The following ARL15 variants were observed in gnomAD, a reference collection of about 807,000 sequenced individuals.
ARL15 encodes ADP-ribosylation factor-like protein 15.
In ARL15, 19 loss-of-function variants were observed where a neutral mutation model predicts 25.2. The ratio of observed to expected loss-of-function variants is 0.75; its 90% CI spans 0.53 to 1.10. ARL15 has a LOEUF of 1.10. ARL15 is among the 50% of genes least tolerant of loss of function. The pLI, the probability that ARL15 is intolerant of heterozygous loss-of-function variation, is 0.00. For synonymous variants in ARL15, 94 were observed against 86.8 expected (o/e 1.08, Z -0.46); for missense variants, 220 against 246.0 (o/e 0.89, Z 0.71).
intron 3 of ARL15, among the ~76,000 whole-genome samples, chr5:54,138,994 TA>T (rs1217738663): frequency 6.6e-6 from 1 of 152,120 alleles, no homozygotes; most frequent in Non-Finnish European, 1.5e-5. Flanking sequence ...GAATGGCCAT[TA>T]TTAAAAAGTC....
At chr5:54,031,309 T>C (rs1445324298) in intron 4 of ARL15, among the ~76,000 whole-genome samples, 1 of 152,224 alleles carries the variant, frequency 6.6e-6, no homozygotes, top group Admixed American at 6.5e-5. Flanking sequence ...TAATGCCATC[T>C]AGTTCCTGGA....
chr5:53,916,557 GTAT>G (rs889642548), intron 4 of ARL15, among the ~76,000 whole-genome samples: 1 of 152,074 alleles, frequency 6.6e-6, no homozygotes, highest in Non-Finnish European at 1.5e-5. Flanking sequence ...AGAACACAAA[GTAT>G]TATTATTATT....
chr5:54,038,747 A>G (rs946670459), intron 4 of ARL15, among the ~76,000 whole-genome samples: 73 of 152,264 alleles, frequency 4.8e-4, no homozygotes, highest in African/African-American at 1.7e-3. Context: ...TATATGATTC[A>G]CAGATATAAA....
At chr5:53,933,641 T>TGA (rs1746264689) in intron 4 of ARL15, among the ~76,000 whole-genome samples, 2 of 5,790 alleles carry the variant, frequency 3.5e-4, no homozygotes, top group Non-Finnish European at 7.9e-4. Flanking sequence ...CGAGACTGTC[T>TGA]CAAAAAAAAA....
chr5:54,243,409 C>A (rs1178262658), intron 1 of ARL15, among the ~76,000 whole-genome samples: 3 of 152,172 alleles, frequency 2.0e-5, no homozygotes, highest in African/African-American at 7.2e-5. Flanking sequence ...CTCATAAGCA[C>A]AGACTGTGTT....
chr5:53,909,599 A>G (rs778190938), intron 4 of ARL15, among the ~76,000 whole-genome samples: 6 of 152,176 alleles, frequency 3.9e-5, no homozygotes, highest in Non-Finnish European at 5.9e-5. Flanking sequence ...CCAGCTACTC[A>G]AGAGGCTGAG....
At chr5:54,286,961 T>C (rs1302912756) in intron 1 of ARL15, among the ~76,000 whole-genome samples, 1 of 151,588 alleles carries the variant, frequency 6.6e-6, no homozygotes, top group East Asian at 2.0e-4. Flanking sequence ...CTGGACCTCC[T>C]GTCCAGGATT....
intron 4 of ARL15, among the ~76,000 whole-genome samples, chr5:53,928,216 G>A (rs1746093511): frequency 6.6e-6 from 1 of 152,228 alleles, no homozygotes; most frequent in Non-Finnish European, 1.5e-5. Flanking sequence ...GGTTCCTGGA[G>A]AAGGGTATGA....
Position 54,083,240 on chromosome 5 carries a change from G to A in ARL15, c.462+29962C>T, listed in dbSNP as rs78333490. ...AATTAAAAAAGAAGAATAAAGGAAAGAGAAAAGCTCATATATTCTGTTGAG... is the reference window on the plus strand; with the variant it reads ...AATTAAAAAAGAAGAATAAAGGAAAAAGAAAAGCTCATATATTCTGTTGAG... On this transcript the variant is annotated intron_variant, in intron 4 of 4. Transcript: ENST00000504924. 1.3e-3 allele frequency among the ~76,000 whole-genome samples: 197 copies of A among 152,296 alleles called. 3 individuals carry two copies. Among genetic ancestry groups the A allele is most frequent in the Non-Finnish European group, 2.2e-3 (149 of 68,018 alleles).
chr5:53,949,273 C>T (rs1003130569), intron 4 of ARL15, among the ~76,000 whole-genome samples: 5 of 152,104 alleles, frequency 3.3e-5, no homozygotes, highest in Non-Finnish European at 5.9e-5. Context: ...CAGTATTCTA[C>T]TCAATAGCTA....
chr5:54,230,351 AAAAAAAAAAAAG>A (rs1039673007), intron 1 of ARL15, among the ~76,000 whole-genome samples: 2 of 150,706 alleles, frequency 1.3e-5, no homozygotes, highest in African/African-American at 4.9e-5. Flanking sequence ...TCTCAGAAAA[AAAAAAAAAAAAG>A]AAAAGAAAAG....
At chr5:54,083,930 G>T (rs1040657182) in intron 4 of ARL15, among the ~76,000 whole-genome samples, 1 of 152,152 alleles carries the variant, frequency 6.6e-6, no homozygotes, top group Non-Finnish European at 1.5e-5. Flanking sequence ...TAGGGAGGGG[G>T]CTGGAGAATT....
At chr5:53,951,228 A>G (rs940007477) in intron 4 of ARL15, among the ~76,000 whole-genome samples, 1 of 152,244 alleles carries the variant, frequency 6.6e-6, no homozygotes, top group Admixed American at 6.5e-5. Flanking sequence ...TACAAAGCCT[A>G]TATTTACAAT....
chr5:53,993,043 T>C (rs1748556639), intron 4 of ARL15, among the ~76,000 whole-genome samples: 1 of 142,104 alleles, frequency 7.0e-6, no homozygotes, highest in African/African-American at 2.6e-5. Flanking sequence ...TAAAACTCCT[T>C]CTCAAAAAAA....
chr5:53,927,265 G>A (rs1487556009), intron 4 of ARL15, among the ~76,000 whole-genome samples: 1 of 152,062 alleles, frequency 6.6e-6, no homozygotes, highest in Non-Finnish European at 1.5e-5. Context: ...GAAGAATGGA[G>A]CCTTGACATT....
chr5:54,108,751 G>T (rs190994166), intron 4 of ARL15, among the ~76,000 whole-genome samples: 26 of 151,952 alleles, frequency 1.7e-4, no homozygotes, highest in Admixed American at 1.6e-3. Context: ...AACTCTGTCT[G>T]ATCCTTTGTA....
intron 4 of ARL15, among the ~76,000 whole-genome samples, chr5:53,914,015 C>G (rs1357303730): frequency 6.6e-6 from 1 of 152,062 alleles, no homozygotes. Context: ...TGAACATAAA[C>G]TTTTCTTCTT....
At chr5:53,897,417 A>G (rs984710663) in intron 4 of ARL15, among the ~76,000 whole-genome samples, 9 of 152,254 alleles carry the variant, frequency 5.9e-5, no homozygotes, top group African/African-American at 2.2e-4. Context: ...AGTATGTATC[A>G]ATACTTCATC....
chr5:54,122,134 C>T (rs2112246444), intron 3 of ARL15, among the ~76,000 whole-genome samples: 1 of 152,314 alleles, frequency 6.6e-6, no homozygotes, highest in South Asian at 2.1e-4. Flanking sequence ...GGGACAGACC[C>T]TTTCTTTTTC....
Sources: gnomAD v4.1 joint callset for allele counts (sites outside exome capture counted in the v4.1 genomes callset) on GRCh38, gnomAD v4.1.1 for gene constraint, MANE v1.5 for transcripts, NCBI Gene and HGNC (gene_info 2026-07-23, HGNC 2026-07-21) for gene names.